TEC: variants seen among roughly 807,000 people sequenced by gnomAD.
TEC encodes tyrosine-protein kinase Tec.
In TEC, 72 loss-of-function variants were observed where a neutral mutation model predicts 93.0. That is an observed-to-expected ratio of 0.77 (90% CI 0.64 to 0.94). The LOEUF is 0.94. Among genes scored for constraint, TEC ranks in the 40% least tolerant of loss-of-function variants. The pLI is 0.00. For missense variants in TEC, 630 were observed against 757.9 expected, an observed-to-expected ratio of 0.83 and a Z score of 1.98; for synonymous variants, 249 against 247.7, an observed-to-expected ratio of 1.01 and a Z score of -0.05.
intron 14 of TEC, chr4:48,141,721 G>A (rs535572486): frequency 1.9e-4 from 43 of 220,742 alleles, no homozygotes; most frequent in African/African-American, 1.0e-3. Context: ...TGCCTCTGTC[G>A]CCCAGGCTGG....
intron 2 of TEC, among the ~76,000 whole-genome samples, chr4:48,221,865 C>T (rs1271439372): frequency 6.6e-6 from 1 of 152,152 alleles, no homozygotes; most frequent in Non-Finnish European, 1.5e-5. Flanking sequence ...TTAACATAAA[C>T]ATAGCTACGG....
intron 2 of TEC, among the ~76,000 whole-genome samples, chr4:48,223,569 T>C (rs184528691): frequency 2.8e-3 from 420 of 152,340 alleles, no homozygotes; most frequent in Non-Finnish European, 3.0e-3. Context: ...ATAAGAGAAA[T>C]AATGCATGTA....
chr4:48,204,870 G>T (rs775824301), intron 2 of TEC, among the ~76,000 whole-genome samples: 5 of 152,096 alleles, frequency 3.3e-5, no homozygotes, highest in Non-Finnish European at 7.4e-5. Context: ...AACAGGCCAC[G>T]CACCGAAACC....
intron 2 of TEC, among the ~76,000 whole-genome samples, chr4:48,205,433 C>T (rs1157066163): frequency 6.6e-6 from 1 of 152,180 alleles, no homozygotes; most frequent in African/African-American, 2.4e-5. Flanking sequence ...TGAAAATTGG[C>T]AAATGCTGAA....
In TEC at chr4:48,230,006, T is replaced by G. The variant is rs377132837; in HGVS notation, c.-45-1347A>C. On this transcript the variant is annotated intron_variant, in intron 1 of 17. Coordinates refer to ENST00000381501, the MANE Select transcript of TEC (RefSeq NM_003215.3). ...AGGAGAATCGCTTGAACCTGGGAGGTGGAAGTTTCAGTGAGCCGAGATCGC... is the reference window on the plus strand; with the variant it reads ...AGGAGAATCGCTTGAACCTGGGAGGGGGAAGTTTCAGTGAGCCGAGATCGC... 7.0e-3 allele frequency among the ~76,000 whole-genome samples: 1,057 copies of G among 150,382 alleles called. 8 individuals are homozygous for G. Among genetic ancestry groups the G allele is most frequent in the Middle Eastern group, 0.014 (4 of 288 alleles).
intron 2 of TEC, among the ~76,000 whole-genome samples, chr4:48,176,547 C>T (rs1577723827): frequency 6.6e-6 from 1 of 152,030 alleles, no homozygotes; most frequent in East Asian, 1.9e-4. Flanking sequence ...ATGGCAAAAC[C>T]CCCATCTCTA....
chr4:48,251,305 G>C (rs11732863), intron 1 of TEC, among the ~76,000 whole-genome samples: 1 of 152,058 alleles, frequency 6.6e-6, no homozygotes, highest in African/African-American at 2.4e-5. Context: ...ACCTGGAAGA[G>C]TGCTCCATTT....
intron 1 of TEC, among the ~76,000 whole-genome samples, chr4:48,243,657 C>G (rs1723977779): frequency 6.6e-6 from 1 of 152,170 alleles, no homozygotes; most frequent in African/African-American, 2.4e-5. Flanking sequence ...ACAACAGAAG[C>G]TAACAATTTC....
chr4:48,163,123 A>T (rs572309894), intron 8 of TEC, among the ~76,000 whole-genome samples: 20 of 152,182 alleles, frequency 1.3e-4, no homozygotes, highest in Non-Finnish European at 2.6e-4. Flanking sequence ...CTGCCTGGTT[A>T]TGTCTCTAAG....
At chr4:48,228,725 A>G (rs1723561086) in intron 1 of TEC, 66 bp from the exon 2 acceptor site, 4 of 1,394,704 alleles carry the variant, frequency 2.9e-6, no homozygotes, top group Non-Finnish European at 3.9e-6. Context: ...GCCATTTCCA[A>G]TTACCAAAAT....
intron 2 of TEC, among the ~76,000 whole-genome samples, chr4:48,192,634 A>G (rs1722132476): frequency 6.6e-6 from 1 of 151,878 alleles, no homozygotes; most frequent in Non-Finnish European, 1.5e-5. Flanking sequence ...TAAAACTGCA[A>G]TAACAACAAT....
intron 2 of TEC, among the ~76,000 whole-genome samples, chr4:48,209,737 GA>G (rs56041131): frequency 5.2e-3 from 791 of 152,260 alleles, no homozygotes; most frequent in Non-Finnish European, 9.1e-3. Flanking sequence ...CATTTAACAA[GA>G]AAAGTATAGG....
chr4:48,230,063 G>C (rs899007173), intron 1 of TEC, among the ~76,000 whole-genome samples: 1 of 142,428 alleles, frequency 7.0e-6, no homozygotes, highest in East Asian at 2.0e-4. Flanking sequence ...CAACGAGAGC[G>C]AAACTCCGTC....
chr4:48,139,878 G>A (rs1049938483), intron 15 of TEC, among the ~76,000 whole-genome samples: 1 of 152,230 alleles, frequency 6.6e-6, no homozygotes, highest in Admixed American at 6.5e-5. Flanking sequence ...TGGTGACTCG[G>A]CACAAAGCCA....
chr4:48,213,598 A>C (rs984399184), intron 2 of TEC, among the ~76,000 whole-genome samples: 1 of 152,214 alleles, frequency 6.6e-6, no homozygotes, highest in Non-Finnish European at 1.5e-5. Flanking sequence ...CACGTACCTG[A>C]CCAGCATCAA....
intron 11 of TEC, among the ~76,000 whole-genome samples, chr4:48,147,835 C>T (rs949497657): frequency 6.6e-6 from 1 of 152,124 alleles, no homozygotes; most frequent in Admixed American, 6.6e-5. Flanking sequence ...TGTGCAATTA[C>T]TATGTGTCAA....
chr4:48,261,446 C>A (rs1490822553), intron 1 of TEC, among the ~76,000 whole-genome samples: 1 of 152,128 alleles, frequency 6.6e-6, no homozygotes, highest in African/African-American at 2.4e-5. Flanking sequence ...AACTTTAAAT[C>A]ACTCTTGTAA....
chr4:48,145,153 G>A lies in TEC; in HGVS notation c.1396C>T (p.Leu466=). 3 of 1,614,082 alleles carry A rather than the reference G, an allele frequency of 1.9e-6. No individual in the cohort carries two copies. The highest frequency in any genetic ancestry group is 2.5e-6 in the Non-Finnish European group (3 of 1,179,996). ...CACACATCCTGACACATGCTCAGCA[G>A]TACGTCTCTACTGAAATGACCTTGT... ...QRQGHFSRDV[L]LSMCQDVCEG... The change falls in exon 14 of 18, where the codon CTG becomes TTG. Residue 466 remains leucine (L), a synonymous_variant. Coordinates refer to ENST00000381501, the MANE Select transcript of TEC (RefSeq NM_003215.3).
chr4:48,180,102 T>A (rs1210635167), intron 2 of TEC, among the ~76,000 whole-genome samples: 1 of 152,184 alleles, frequency 6.6e-6, no homozygotes, highest in African/African-American at 2.4e-5. Flanking sequence ...TCATACTCTG[T>A]GATATATAAT....
Sources: gnomAD v4.1 joint callset for allele counts (sites outside exome capture counted in the v4.1 genomes callset) on GRCh38, gnomAD v4.1.1 for gene constraint, MANE v1.5 for transcripts, NCBI Gene and HGNC (gene_info 2026-07-23, HGNC 2026-07-21) for gene names.